The following NIM1K variants were observed in gnomAD, a reference collection of about 807,000 sequenced individuals.
NIM1K encodes the protein NIM1 serine/threonine protein kinase.
In NIM1K, 35 loss-of-function variants were observed where a neutral mutation model predicts 37.1. The ratio of observed to expected loss-of-function variants is 0.94; its 90% CI spans 0.72 to 1.25. The LOEUF (loss-of-function observed/expected upper bound fraction) is 1.25, where lower values mean the gene tolerates loss of function less well. Ranked by LOEUF, NIM1K falls within the 50% of genes most tolerant of loss-of-function variation. The probability of loss-of-function intolerance (pLI) is 0.00; values close to 1 mark genes in which losing one functional copy is unlikely to be tolerated. For synonymous variants in NIM1K, 234 were observed against 206.6 expected (o/e 1.13, Z -1.14); for missense variants, 564 against 548.0 (o/e 1.03, Z -0.29).
intron 2 of NIM1K, among the ~76,000 whole-genome samples, chr5:43,246,533 A>C (rs1579977740): frequency 6.6e-6 from 1 of 152,176 alleles, no homozygotes; most frequent in Admixed American, 6.5e-5. Context: ...ACAATGGCAC[A>C]GTGCGGCACA....
intron 1 of NIM1K, among the ~76,000 whole-genome samples, chr5:43,231,193 T>C (rs1218083601): frequency 2.0e-5 from 3 of 152,080 alleles, no homozygotes; most frequent in Admixed American, 2.0e-4. Flanking sequence ...GGCACAAGCT[T>C]GTTGTCGCAG....
intron 2 of NIM1K, among the ~76,000 whole-genome samples, chr5:43,253,165 T>A (rs1048264431): frequency 1.4e-5 from 2 of 146,166 alleles, no homozygotes; most frequent in Non-Finnish European, 3.0e-5. Flanking sequence ...TATATATATA[T>A]AATATAATAT....
intron 1 of NIM1K, chr5:43,231,826 T>A: frequency 8.1e-7 from 1 of 1,228,196 alleles, no homozygotes; most frequent in South Asian, 1.2e-5. Flanking sequence ...TATTCCTCTC[T>A]TTCTTCCTCA....
At chr5:43,220,223 C>A (rs1337707733) in intron 1 of NIM1K, among the ~76,000 whole-genome samples, 1 of 151,242 alleles carries the variant, frequency 6.6e-6, no homozygotes, top group Non-Finnish European at 1.5e-5. Flanking sequence ...GTCTTTAATG[C>A]ATCTTGAATT....
intron 1 of NIM1K, among the ~76,000 whole-genome samples, chr5:43,195,765 A>T (rs192390935): frequency 6.6e-6 from 1 of 152,264 alleles, no homozygotes. Context: ...ATTAGCCAAG[A>T]CTTAAGAGAA....
chr5:43,222,214 A>T (rs2112231659), intron 1 of NIM1K, among the ~76,000 whole-genome samples: 1 of 152,314 alleles, frequency 6.6e-6, no homozygotes, highest in East Asian at 1.9e-4. Flanking sequence ...AATTCTGAGC[A>T]GGATGTCCAA....
At chr5:43,244,291 C>T (rs1361653663) in intron 1 of NIM1K, among the ~76,000 whole-genome samples, 1 of 152,198 alleles carries the variant, frequency 6.6e-6, no homozygotes, top group African/African-American at 2.4e-5. Flanking sequence ...TATGTAAGAA[C>T]TTATACTCCA....
intron 1 of NIM1K, among the ~76,000 whole-genome samples, chr5:43,201,786 C>A (rs914336047): frequency 4.0e-5 from 6 of 151,806 alleles, no homozygotes; most frequent in Middle Eastern, 3.4e-3. Flanking sequence ...TGGTGAAACC[C>A]CGTCTGTACT....
chr5:43,269,629 A>T (rs982808487), intron 2 of NIM1K, among the ~76,000 whole-genome samples: 138 of 148,708 alleles, frequency 9.3e-4, no homozygotes, highest in Non-Finnish European at 1.6e-3. Context: ...TTTTATTTTA[A>T]TTTTTTTGAG....
At chr5:43,197,025 A>G (rs1004460521) in intron 1 of NIM1K, among the ~76,000 whole-genome samples, 2 of 149,774 alleles carry the variant, frequency 1.3e-5, no homozygotes, top group Admixed American at 6.7e-5. Context: ...GGCTCAAGCA[A>G]TCCTCTCACT....
At chr5:43,198,177 TTC>T (rs1300283373) in intron 1 of NIM1K, among the ~76,000 whole-genome samples, 3 of 59,364 alleles carry the variant, frequency 5.1e-5, no homozygotes, top group East Asian at 9.2e-4. Context: ...CTTTCTTTCT[TTC>T]TTTCTTTCTT....
chr5:43,232,357 A>C, intron 1 of NIM1K: 2 of 1,340,154 alleles, frequency 1.5e-6, no homozygotes, highest in African/African-American at 1.4e-5. Flanking sequence ...ATGACAGGGC[A>C]TATGTGTCCA....
chr5:43,224,047 C>CT (rs5867624), intron 1 of NIM1K, among the ~76,000 whole-genome samples: 140,990 of 147,572 alleles, frequency 0.96, 67,613 homozygotes, highest in East Asian at 1. Flanking sequence ...ATTATTTTCA[C>CT]TTTTTTTTTG....
At chr5:43,238,725 G>A (rs182142848) in intron 1 of NIM1K, among the ~76,000 whole-genome samples, 4 of 151,930 alleles carry the variant, frequency 2.6e-5, no homozygotes, top group Admixed American at 2.6e-4. Context: ...ACTTTCAAAC[G>A]TAGGTTTCAG....
chr5:43,212,130 C>T (rs979122103), intron 1 of NIM1K, among the ~76,000 whole-genome samples: 7 of 152,220 alleles, frequency 4.6e-5, no homozygotes, highest in African/African-American at 1.7e-4. Flanking sequence ...AAAGCATGTG[C>T]ATCTCTACCT....
intron 1 of NIM1K, among the ~76,000 whole-genome samples, chr5:43,235,497 G>C (rs1752607627): frequency 6.6e-6 from 1 of 152,146 alleles, no homozygotes. Flanking sequence ...CACCTCATCT[G>C]CTGCATTGGT....
At chr5:43,206,944 A>T (rs1017913579) in intron 1 of NIM1K, 1 of 764,714 alleles carries the variant, frequency 1.3e-6, no homozygotes, top group Non-Finnish European at 2.4e-6. Flanking sequence ...ATGGTGATGC[A>T]CAAGGCAAAG....
chr5:43,272,420 A>C (rs1317837020), intron 2 of NIM1K, among the ~76,000 whole-genome samples: 1 of 151,908 alleles, frequency 6.6e-6, no homozygotes, highest in African/African-American at 2.4e-5. Context: ...GCCCCTCCAG[A>C]TCTACTCTCC....
At chr5:43,261,813 C>T (rs1446261249) in intron 2 of NIM1K, among the ~76,000 whole-genome samples, 1 of 152,192 alleles carries the variant, frequency 6.6e-6, no homozygotes, top group Non-Finnish European at 1.5e-5. Flanking sequence ...GATCCAGTTT[C>T]CACTTTCTAC....
Sources: allele counts gnomAD v4.1 joint callset (sites outside exome capture counted in the v4.1 genomes callset), GRCh38; gene constraint gnomAD v4.1.1; transcripts MANE v1.5; gene names NCBI Gene and HGNC (gene_info 2026-07-23, HGNC 2026-07-21).